Variants in RANBP9 observed in about 807,000 individuals in gnomAD.
RANBP9 encodes the protein ran-binding protein 9.
In RANBP9, 15 loss-of-function variants were observed where a neutral mutation model predicts 84.3. The ratio of observed to expected loss-of-function variants is 0.18; its 90% CI spans 0.12 to 0.27. The LOEUF (loss-of-function observed/expected upper bound fraction) is 0.27, where lower values mean the gene tolerates loss of function less well. Ranked by LOEUF, RANBP9 falls within the 10% of genes least tolerant of loss-of-function variation. The pLI is 1.00. For synonymous variants in RANBP9, 392 were observed against 349.6 expected (o/e 1.12, Z -1.35); for missense variants, 809 against 912.8 (o/e 0.89, Z 1.46).
At chr6:13,652,313 C>T (rs1033322919) in intron 5 of RANBP9, among the ~76,000 whole-genome samples, 2 of 152,186 alleles carry the variant, frequency 1.3e-5, no homozygotes, top group African/African-American at 4.8e-5. Context: ...CATAGTAGGC[C>T]TCTATATAGC....
At chr6:13,624,145 T>C (rs1217953932) in intron 13 of RANBP9, among the ~76,000 whole-genome samples, 1 of 152,164 alleles carries the variant, frequency 6.6e-6, no homozygotes, top group Non-Finnish European at 1.5e-5. Flanking sequence ...TATATACAAA[T>C]CCTAAATTCC....
At chr6:13,693,766 G>A (rs983359152) in intron 2 of RANBP9, among the ~76,000 whole-genome samples, 2 of 152,150 alleles carry the variant, frequency 1.3e-5, no homozygotes, top group African/African-American at 2.4e-5. Flanking sequence ...CTAGAGGCCG[G>A]GTGTTGTGGC....
chr6:13,640,234 C>T (rs1765033790), intron 8 of RANBP9, among the ~76,000 whole-genome samples: 1 of 152,074 alleles, frequency 6.6e-6, no homozygotes, highest in Non-Finnish European at 1.5e-5. Context: ...TGTCATTTGA[C>T]TTACAAAGGA....
At chr6:13,686,047 T>C (rs922391599) in intron 2 of RANBP9, among the ~76,000 whole-genome samples, 9 of 149,490 alleles carry the variant, frequency 6.0e-5, no homozygotes, top group African/African-American at 2.2e-4. Context: ...TTTAGTTTTC[T>C]CCCTTACATT....
rs756001954 is a variant in RANBP9 at position 13,634,466 on chromosome 6, T to G, written c.1760A>C (p.His587Pro). 2 of 1,613,832 alleles carry G rather than the reference T, an allele frequency of 1.2e-6. No individual in the cohort carries two copies. Among genetic ancestry groups the G allele is most frequent in the East Asian group, 4.5e-5 (2 of 44,864 alleles). The stretch of plus-strand genomic sequence containing the variant: ...GTCACAATCTTCCATTTCGTGGTCA[T>G]GTTTAGAGCTACCATTTAGGAAACC... Reference protein sequence around the residue: ...SNGFLNGSSKHDHEMEDCDTE... With the variant: ...SNGFLNGSSKPDHEMEDCDTE... The change falls in exon 11 of 14, where the codon CAT becomes CCT. Residue 587 changes from histidine to proline, a missense_variant. Coordinates refer to ENST00000011619, the MANE Select transcript of RANBP9 (RefSeq NM_005493.3).
In RANBP9 at chr6:13,661,731, A is replaced by C. The variant is rs151246132; in HGVS notation, c.684-2899T>G. On this transcript the variant is annotated intron_variant, in intron 2 of 13. Transcript: ENST00000011619. ...AATTGAAAAACATGTTGTTGAACTG[A>C]AAATACACACTACATACTGAGGAAG... 7.0e-3 allele frequency among the ~76,000 whole-genome samples: 1,066 copies of C among 152,318 alleles called. 13 individuals are homozygous for C. The highest frequency in any genetic ancestry group is 0.024 in the African/African-American group (1,007 of 41,578).
At chr6:13,626,832 T>G (rs886592538) in intron 12 of RANBP9, among the ~76,000 whole-genome samples, 3 of 152,216 alleles carry the variant, frequency 2.0e-5, no homozygotes, top group African/African-American at 7.2e-5. Flanking sequence ...TCTCTAGTTA[T>G]CTTACTAGTG....
At chr6:13,673,968 T>C (rs564647494) in intron 2 of RANBP9, among the ~76,000 whole-genome samples, 79 of 151,686 alleles carry the variant, frequency 5.2e-4, no homozygotes, top group African/African-American at 1.8e-3. Context: ...CTTGTAGTTC[T>C]AGCCACTTGG....
chr6:13,638,858 GT>G (rs2127764221), intron 9 of RANBP9, among the ~76,000 whole-genome samples: 1 of 152,118 alleles, frequency 6.6e-6, no homozygotes, highest in Non-Finnish European at 1.5e-5. Flanking sequence ...AAGGTTGGGG[GT>G]GGGGGGAGAG....
In RANBP9 at chr6:13,621,838, T is replaced by C. The variant is rs1222255887; in HGVS notation, c.*524A>G. On this transcript the variant is annotated 3_prime_UTR_variant, in exon 14 of 14. Transcript: ENST00000011619. ...AACATATTCACTCAGCTCCTGAGTA[T>C]TTCAAGTTTTACAGTACACATTAAA... 1.3e-5 allele frequency: 2 copies of C among 152,668 alleles called. No homozygotes were observed. Among genetic ancestry groups the C allele is most frequent in the African/African-American group, 4.8e-5 (2 of 41,468 alleles). 9.5% of individuals were successfully genotyped at this position (152,668 alleles called of 1,614,324 possible).
intron 5 of RANBP9, among the ~76,000 whole-genome samples, chr6:13,651,562 T>C (rs557004800): frequency 1.3e-5 from 2 of 151,682 alleles, no homozygotes; most frequent in East Asian, 1.9e-4. Context: ...GCCCAGCTAA[T>C]TTTTTGTATT....
intron 12 of RANBP9, among the ~76,000 whole-genome samples, chr6:13,628,739 C>A (rs889110020): frequency 2.0e-5 from 3 of 152,182 alleles, no homozygotes; most frequent in Admixed American, 1.3e-4. Flanking sequence ...TGGTTTAAAG[C>A]CTGCTGTAAA....
intron 5 of RANBP9, among the ~76,000 whole-genome samples, chr6:13,648,945 C>T (rs1008667880): frequency 9.2e-5 from 14 of 152,092 alleles, no homozygotes; most frequent in African/African-American, 3.1e-4. Context: ...ATTTCTCAAA[C>T]TGGTGAGGTA....
At position 13,696,492 on chromosome 6, in the gene RANBP9, G is replaced by A. The variant is rs191751084; in HGVS notation, c.683+293C>T. On this transcript the variant is annotated intron_variant, in intron 2 of 13. Coordinates refer to ENST00000011619, the MANE Select transcript of RANBP9 (RefSeq NM_005493.3). ...ACTTCTTAGCAGAATTCACGAAAAA[G>A]CAGTGTAAGAAAAGTCATGGAAAAT... Among the ~76,000 whole-genome samples the A allele has an allele frequency of 2.3e-3, 345 of 152,272 alleles. 1 individual carries two copies. The highest frequency in any genetic ancestry group is 7.9e-3 in the African/African-American group (327 of 41,562).
At chr6:13,691,163 CAAAAAAAA>C (rs767728179) in intron 2 of RANBP9, among the ~76,000 whole-genome samples, 1 of 57,492 alleles carries the variant, frequency 1.7e-5, no homozygotes, top group African/African-American at 6.0e-5. Context: ...GACTCCGTCT[CAAAAAAAA>C]AAAAAAAAAA....
chr6:13,692,625 G>A (rs938508867), intron 2 of RANBP9, among the ~76,000 whole-genome samples: 1 of 151,756 alleles, frequency 6.6e-6, no homozygotes, highest in African/African-American at 2.4e-5. Flanking sequence ...GCAGAGGCAG[G>A]CGGATCACCT....
At chr6:13,643,943 T>C (rs775028025) in intron 6 of RANBP9, among the ~76,000 whole-genome samples, 1 of 152,200 alleles carries the variant, frequency 6.6e-6, no homozygotes, top group African/African-American at 2.4e-5. Context: ...GTTAAGAATA[T>C]TCAAAGCAAT....
rs1455560955 is a variant in RANBP9 at position 13,639,844 on chromosome 6, T to C, written c.1335-91A>G. ...GATTTCTAAAAATATTTTTAAAACT[T>C]TGATTTATCAGTAGGATTGGTCTTT... is the stretch of plus-strand genomic sequence containing the variant. On this transcript the variant is annotated intron_variant, in intron 8 of 13. Coordinates refer to ENST00000011619, the MANE Select transcript of RANBP9 (RefSeq NM_005493.3). 10 of 1,125,532 alleles carry C rather than the reference T, an allele frequency of 8.9e-6. No individual in the cohort carries two copies. The South Asian group carries it at 1.1e-4, about 13-fold the overall frequency. The allele number at this position is 1,125,532 out of a possible 1,614,324, so 69.7% of individuals were successfully genotyped here. A position where few individuals can be genotyped will look rare whatever the true frequency, so the allele number is the denominator to read the frequency against.
chr6:13,649,461 G>GAAAA (rs375894187), intron 5 of RANBP9, among the ~76,000 whole-genome samples: 1 of 92,682 alleles, frequency 1.1e-5, no homozygotes, highest in Non-Finnish European at 2.2e-5. Context: ...TGCCACAACA[G>GAAAA]AAAAAAAAAA....
Sources: gnomAD v4.1 joint callset for allele counts (sites outside exome capture counted in the v4.1 genomes callset) on GRCh38, gnomAD v4.1.1 for gene constraint, MANE v1.5 for transcripts, NCBI Gene and HGNC (gene_info 2026-07-23, HGNC 2026-07-21) for gene names.